Variants in CACNA2D4 observed in about 807,000 individuals in gnomAD.
CACNA2D4 encodes voltage-dependent calcium channel subunit alpha-2/delta-4.
In CACNA2D4, 157 loss-of-function variants were observed where a neutral mutation model predicts 163.8. The observed-to-expected ratio is 0.96, with a 90% CI of 0.84 to 1.09. The LOEUF is 1.09. CACNA2D4 is among the 50% of genes least tolerant of loss of function. The pLI, the probability that CACNA2D4 is intolerant of heterozygous loss-of-function variation, is 0.00. For missense variants in CACNA2D4, 1,410 were observed against 1,479.9 expected (o/e 0.95, Z 0.78); for synonymous variants, 598 against 586.9 (o/e 1.02, Z -0.27).
chr12:1,800,090 C>T (rs1389006062), intron 32 of CACNA2D4, 38 bp from the exon 33 acceptor site: 3 of 1,565,888 alleles, frequency 1.9e-6, no homozygotes, highest in African/African-American at 2.7e-5. Flanking sequence ...GACCTCTGAG[C>T]CCTCCCGACT....
At chr12:1,865,694 C>T (rs1011571852) in intron 18 of CACNA2D4, among the ~76,000 whole-genome samples, 20 of 152,198 alleles carry the variant, frequency 1.3e-4, no homozygotes, top group African/African-American at 3.9e-4. Flanking sequence ...GGGGGCTCCA[C>T]CAGATGCAGC....
chr12:1,848,758 T>C (rs1053904533), intron 23 of CACNA2D4, among the ~76,000 whole-genome samples: 17 of 127,264 alleles, frequency 1.3e-4, no homozygotes, highest in African/African-American at 4.8e-4. Context: ...TTTTAACCCA[T>C]TGCAATTATT....
intron 6 of CACNA2D4, among the ~76,000 whole-genome samples, chr12:1,899,813 G>A (rs191684297): frequency 6.6e-6 from 1 of 152,166 alleles, no homozygotes; most frequent in Non-Finnish European, 1.5e-5. Context: ...AACAAGGATA[G>A]TAAAGGAATG....
In CACNA2D4 at chr12:1,800,268, C is replaced by G. The variant is rs141090202; in HGVS notation, c.2921+118G>C. 8.8e-5 allele frequency: 104 copies of G among 1,175,468 alleles called. No homozygotes were observed. In the African/African-American group the frequency reaches 1.4e-3, roughly 16 times the overall value. The allele number at this position is 1,175,468 out of a possible 1,614,324, so 72.8% of individuals were successfully genotyped here. A position where few individuals can be genotyped will look rare whatever the true frequency, so the allele number is the denominator to read the frequency against. ...TGCCCAGGGATTGTGCCCTCCTTCC[C>G]CGGGGTCTGGTAGCAAGTGGGTTGT... On this transcript the variant is annotated intron_variant, in intron 32 of 37. Coordinates refer to ENST00000382722, the MANE Select transcript of CACNA2D4 (RefSeq NM_172364.5).
chr12:1,828,088 G>A lies in CACNA2D4; in HGVS notation c.2551+12651C>T. ...CTCCCTCCCTCAGGACTGACAGGCG[G>A]CGCACCCAGGGGCTCCTCTCTCCCC... On this transcript the variant is annotated intron_variant, in intron 26 of 37. Coordinates refer to ENST00000382722, the MANE Select transcript of CACNA2D4 (RefSeq NM_172364.5). The surrounding 1 kb of genome is among the most constrained non-coding windows in gnomAD (Gnocchi z 4.2). The A allele has an allele frequency of 2.1e-6, 3 of 1,438,710 alleles. No individual in the cohort carries two copies. The highest frequency in any genetic ancestry group is 1.4e-5 in the South Asian group (1 of 70,818). 89.1% of individuals were successfully genotyped at this position (1,438,710 alleles called of 1,614,324 possible).
At chr12:1,881,240 T>C (rs961599760) in intron 13 of CACNA2D4, among the ~76,000 whole-genome samples, 4 of 152,212 alleles carry the variant, frequency 2.6e-5, no homozygotes, top group African/African-American at 9.6e-5. Flanking sequence ...GCCTCGTCTG[T>C]GTGCGTGGAG....
In CACNA2D4 at chr12:1,918,376, C is replaced by A. The variant is rs369668064; in HGVS notation, c.98G>T (p.Arg33Leu). The A allele has an allele frequency of 4.9e-5, 79 of 1,603,588 alleles. No individual in the cohort carries two copies. The highest frequency in any genetic ancestry group is 1.5e-4 in the African/African-American group (11 of 74,872). Reference sequence around the variant, plus strand: ...GGGCATTGGCTGGAGGGGAATCCAGCGGCTGCTGGAGCTGGGGTTTGCGAG... The same window carrying A: ...GGGCATTGGCTGGAGGGGAATCCAGAGGCTGCTGGAGCTGGGGTTTGCGAG... ...NFLANPSSSSRWIPLQPMPVA... is the reference protein window; with the variant it reads ...NFLANPSSSSLWIPLQPMPVA... The change falls in exon 1 of 38, where the codon CGC becomes CTC. Residue 33 changes from arginine to leucine, a missense_variant. Coordinates refer to ENST00000382722, the MANE Select transcript of CACNA2D4 (RefSeq NM_172364.5).
chr12:1,838,368 C>T (rs1864933976), intron 26 of CACNA2D4, among the ~76,000 whole-genome samples: 1 of 152,200 alleles, frequency 6.6e-6, no homozygotes, highest in African/African-American at 2.4e-5. Context: ...CCACACTCAG[C>T]AGGCCTGGCG....
chr12:1,904,636 G>C (rs184732453), intron 6 of CACNA2D4, among the ~76,000 whole-genome samples: 2 of 152,120 alleles, frequency 1.3e-5, no homozygotes, highest in African/African-American at 4.8e-5. Context: ...AAGGAGCTGA[G>C]TTTTTGTATG....
At chr12:1,868,012 G>A (rs1052502551) in intron 18 of CACNA2D4, among the ~76,000 whole-genome samples, 1 of 152,188 alleles carries the variant, frequency 6.6e-6, no homozygotes. Flanking sequence ...GTACACTGTT[G>A]GTGGGAATGT....
chr12:1,915,413 G>T (rs960805982), intron 1 of CACNA2D4, among the ~76,000 whole-genome samples: 1 of 152,222 alleles, frequency 6.6e-6, no homozygotes, highest in Non-Finnish European at 1.5e-5. Flanking sequence ...AGAAGGAGGG[G>T]AGAGGCAGTG....
At chr12:1,795,488 C>A in intron 36 of CACNA2D4, 107 bp from the exon 37 acceptor site, 1 of 1,154,642 alleles carries the variant, frequency 8.7e-7, no homozygotes, top group Non-Finnish European at 1.3e-6. Context: ...GCCCTGCAAG[C>A]AGCTTTAGGG....
chr12:1,881,944 T>C (rs1866010053), intron 13 of CACNA2D4, among the ~76,000 whole-genome samples: 2 of 152,244 alleles, frequency 1.3e-5, no homozygotes, highest in Non-Finnish European at 2.9e-5. Context: ...GACCATTGCC[T>C]CGTTGCATTC....
intron 18 of CACNA2D4, among the ~76,000 whole-genome samples, chr12:1,870,272 C>T (rs2154449036): frequency 6.6e-6 from 1 of 152,280 alleles, no homozygotes; most frequent in East Asian, 1.9e-4. Context: ...GTGTTGCATT[C>T]CACTGGGGCA....
intron 18 of CACNA2D4, among the ~76,000 whole-genome samples, chr12:1,868,673 T>G (rs976351679): frequency 1.1e-4 from 17 of 152,034 alleles, no homozygotes; most frequent in Non-Finnish European, 1.5e-5. Flanking sequence ...AGATGATGGG[T>G]ATGCTAATTT....
At chr12:1,837,247 T>C (rs1429054411) in intron 26 of CACNA2D4, among the ~76,000 whole-genome samples, 1 of 152,154 alleles carries the variant, frequency 6.6e-6, no homozygotes, top group Non-Finnish European at 1.5e-5. Flanking sequence ...GGAGGGCAGT[T>C]GGAGGGGCCT....
intron 20 of CACNA2D4, among the ~76,000 whole-genome samples, chr12:1,857,476 G>T (rs968523801): frequency 1.6e-4 from 24 of 152,194 alleles, no homozygotes; most frequent in Non-Finnish European, 3.1e-4. Context: ...AGCTACTGTG[G>T]TTGTCCACAA....
At position 1,858,608 on chromosome 12, in the gene CACNA2D4, G is replaced by T. The variant is rs550394232; in HGVS notation, c.1977C>A (p.Tyr659Ter). ...CCACAGACGTGTTCCCCAGAAGGAT[G>T]TATTCTCCGTGGCCCCGGGACAGCA... Reference protein sequence around the residue: ...GVVLSRGHGEYILLGNTSVEE... With the variant: ...GVVLSRGHGE The change falls in exon 20 of 38, where the codon TAC (tyrosine) becomes TAA (stop). Residue 659 changes from tyrosine to a stop codon, truncating the protein, a stop_gained. Coordinates refer to ENST00000382722, the MANE Select transcript of CACNA2D4 (RefSeq NM_172364.5). LOFTEE classifies it high-confidence loss of function. The T allele has an allele frequency of 6.2e-7, 1 of 1,612,808 alleles. No homozygotes were observed. The highest frequency in any genetic ancestry group is 1.7e-4 in the Middle Eastern group (1 of 6,060).
At chr12:1,912,421 G>C (rs1219505609) in intron 3 of CACNA2D4, among the ~76,000 whole-genome samples, 1 of 152,226 alleles carries the variant, frequency 6.6e-6, no homozygotes, top group South Asian at 2.1e-4. Context: ...GCCCCACCAG[G>C]CTTGGTGGAT....
Sources: allele counts gnomAD v4.1 joint callset (sites outside exome capture counted in the v4.1 genomes callset), GRCh38; gene constraint gnomAD v4.1.1; non-coding constraint Gnocchi (gnomAD v3.1); transcripts MANE v1.5; gene names NCBI Gene and HGNC (gene_info 2026-07-23, HGNC 2026-07-21).